The following RGS22 variants were observed in gnomAD, a reference collection of about 807,000 sequenced individuals.
RGS22 encodes the protein regulator of G-protein signaling 22.
A neutral mutation model predicts 172.9 loss-of-function variants in RGS22; 148 were observed. The observed-to-expected ratio is 0.86, with a 90% confidence interval of 0.75 to 0.98. RGS22 has a LOEUF of 0.98. Among genes scored for constraint, RGS22 ranks in the 50% least tolerant of loss-of-function variants. The probability of loss-of-function intolerance (pLI) is 0.00; values close to 1 mark genes in which losing one functional copy is unlikely to be tolerated. For synonymous variants in RGS22, 458 were observed against 480.2 expected (o/e 0.95, Z 0.60); for missense variants, 1,347 against 1,440.8 (o/e 0.93, Z 1.05).
At chr8:99,978,112 A>T (rs1006851750) in intron 22 of RGS22, 37 bp from the exon 23 acceptor site, 1 of 1,257,630 alleles carries the variant, frequency 8.0e-7, no homozygotes, top group Non-Finnish European at 1.1e-6. Flanking sequence ...AATTTTATAC[A>T]AAGGTACCAA....
chr8:100,080,411 C>A, intron 3 of RGS22, 56 bp from the exon 4 acceptor site: 1 of 1,281,628 alleles, frequency 7.8e-7, no homozygotes, highest in Non-Finnish European at 1.1e-6. Flanking sequence ...AACTCATGGT[C>A]TCTAAGAAGA....
intron 14 of RGS22, among the ~76,000 whole-genome samples, chr8:100,022,536 C>T (rs1023608766): frequency 2.0e-5 from 3 of 151,636 alleles, no homozygotes; most frequent in Admixed American, 1.3e-4. Context: ...TAAACAAGCA[C>T]ACAGAAAAAA....
intron 3 of RGS22, among the ~76,000 whole-genome samples, chr8:100,086,806 C>T (rs963006696): frequency 3.3e-5 from 5 of 152,234 alleles, no homozygotes; most frequent in African/African-American, 1.2e-4. Flanking sequence ...TTTTAACAAG[C>T]CCTCTGATCA....
At chr8:100,011,989 T>C (rs557153324) in intron 14 of RGS22, among the ~76,000 whole-genome samples, 2 of 151,870 alleles carry the variant, frequency 1.3e-5, no homozygotes, top group African/African-American at 4.8e-5. Context: ...ACCTGAGAAA[T>C]AGAAGTCAGA....
intron 9 of RGS22, among the ~76,000 whole-genome samples, chr8:100,057,394 T>C (rs1809726845): frequency 1.3e-5 from 2 of 152,102 alleles, no homozygotes; most frequent in African/African-American, 4.8e-5. Flanking sequence ...TTTTGAAATG[T>C]GAAAGGAACA....
chr8:100,105,796 G>T, intron 1 of RGS22, 101 bp downstream of exon 1: 1 of 1,034,232 alleles, frequency 9.7e-7, no homozygotes, highest in Non-Finnish European at 1.4e-6. Context: ...CTGGGAGCGG[G>T]GATACCGCTA....
intron 24 of RGS22, among the ~76,000 whole-genome samples, chr8:99,965,029 ATTCCATCTTG>A (rs1810582349): frequency 6.6e-6 from 1 of 152,186 alleles, no homozygotes; most frequent in South Asian, 2.1e-4. Context: ...TCCTATATAT[ATTCCATCTTG>A]TTCTATTGTA....
At chr8:100,057,658 T>G (rs1223748963) in intron 9 of RGS22, among the ~76,000 whole-genome samples, 1 of 152,216 alleles carries the variant, frequency 6.6e-6, no homozygotes, top group Admixed American at 6.5e-5. Context: ...ATCCCTTTGC[T>G]CTTCCTTTGT....
chr8:99,978,969 C>T (rs1052544805), intron 22 of RGS22, among the ~76,000 whole-genome samples: 1 of 152,206 alleles, frequency 6.6e-6, no homozygotes, highest in East Asian at 1.9e-4. Flanking sequence ...CATTACTCCT[C>T]TTTTCCATAC....
At chr8:100,105,833 C>T in intron 1 of RGS22, 64 bp downstream of exon 1, 5 of 1,399,294 alleles carry the variant, frequency 3.6e-6, no homozygotes, top group African/African-American at 1.5e-5. Context: ...AGTCCAGAGG[C>T]TGGCGCGTGG....
intron 2 of RGS22, 31 bp downstream of exon 2, chr8:100,105,343 G>C: frequency 6.4e-7 from 1 of 1,574,352 alleles, no homozygotes; most frequent in Non-Finnish European, 8.7e-7. Context: ...AAAGGCCAAA[G>C]AAAAAAATAG....
At chr8:99,977,156 T>A in intron 23 of RGS22, among the ~76,000 whole-genome samples, 1 of 151,198 alleles carries the variant, frequency 6.6e-6, no homozygotes, top group South Asian at 2.1e-4. Flanking sequence ...CAGGCCAGAG[T>A]GTAGTGGCAT....
chr8:100,048,876 T>G (rs1449987499), intron 10 of RGS22, among the ~76,000 whole-genome samples: 12 of 152,122 alleles, frequency 7.9e-5, no homozygotes, highest in Admixed American at 7.2e-4. Flanking sequence ...AGAGTCATAT[T>G]TGCAAGATGA....
intron 20 of RGS22, 54 bp downstream of exon 20, chr8:99,996,408 A>G: frequency 1.4e-6 from 2 of 1,453,430 alleles, no homozygotes; most frequent in Non-Finnish European, 1.9e-6. Flanking sequence ...AAGAAAAACA[A>G]TACTTTGACA....
rs538726587 is a variant in RGS22, at chr8:99,979,455, C to A, written c.3361-1380G>T. ...GTACCTCTCTAATCTTAAAAGATAA[C>A]CAAATTGTGGATAAGAAAATGTTTT... On this transcript the variant is annotated intron_variant, in intron 22 of 27. Transcript: ENST00000360863. Among the ~76,000 whole-genome samples, 276 of 152,156 alleles carry A rather than the reference C, an allele frequency of 1.8e-3. 3 individuals carry two copies. The highest frequency in any genetic ancestry group is 2.5e-3 in the Non-Finnish European group (168 of 67,990).
chr8:99,997,662 A>G (rs994976717), intron 19 of RGS22, among the ~76,000 whole-genome samples: 3 of 152,224 alleles, frequency 2.0e-5, no homozygotes, highest in Non-Finnish European at 4.4e-5. Context: ...TTTGCATACT[A>G]AAGTCCAAAA....
At chr8:100,071,653 AT>A in intron 5 of RGS22, 116 bp from the exon 6 acceptor site, 1 of 654,962 alleles carries the variant, frequency 1.5e-6, no homozygotes, top group Non-Finnish European at 2.4e-6. Flanking sequence ...CTTGATGATG[AT>A]TTTCTTTGGC....
intron 14 of RGS22, among the ~76,000 whole-genome samples, chr8:100,022,309 C>G (rs532651794): frequency 6.6e-6 from 1 of 152,112 alleles, no homozygotes; most frequent in African/African-American, 2.4e-5. Context: ...AAAGAGAATT[C>G]AAAGCAAATG....
intron 23 of RGS22, among the ~76,000 whole-genome samples, chr8:99,967,936 G>A (rs959098718): frequency 3.9e-5 from 6 of 152,228 alleles, no homozygotes; most frequent in Non-Finnish European, 5.9e-5. Flanking sequence ...CTTCCTGACT[G>A]CAGACACCTC....
Sources: gnomAD v4.1 joint callset for allele counts (sites outside exome capture counted in the v4.1 genomes callset) on GRCh38, gnomAD v4.1.1 for gene constraint, MANE v1.5 for transcripts, NCBI Gene and HGNC (gene_info 2026-07-23, HGNC 2026-07-21) for gene names.